TRIM56: variants seen among roughly 807,000 people sequenced by gnomAD.
The protein encoded by TRIM56 is E3 ubiquitin-protein ligase TRIM56.
In TRIM56, 10 loss-of-function variants were observed where a neutral mutation model predicts 17.1. The ratio of observed to expected loss-of-function variants is 0.58; its 90% confidence interval spans 0.36 to 0.99. The LOEUF is 0.99. Among genes scored for constraint, TRIM56 ranks in the 50% least tolerant of loss-of-function variants. The pLI is 0.01. For missense variants in TRIM56, 923 were observed against 1,052.3 expected, an observed-to-expected ratio of 0.88 and a Z score of 1.70; for synonymous variants, 503 against 473.5, an observed-to-expected ratio of 1.06 and a Z score of -0.81.
chr7:101,095,645 A>T lies in TRIM56; in HGVS notation c.*6065A>T, dbSNP rs1326052063. 1.3e-5 allele frequency: 2 copies of T among 152,148 alleles called. No homozygotes were observed. Among genetic ancestry groups the T allele is most frequent in the Non-Finnish European group, 2.9e-5 (2 of 68,034 alleles). The allele number at this position is 152,148 out of a possible 1,614,324, so 9.4% of individuals were successfully genotyped here. A position where few individuals can be genotyped will look rare whatever the true frequency, so the allele number is the denominator to read the frequency against. ...AGATAGTCCCACAGGCGCCCTAGAG[A>T]TGGGGATGCCAAGTGGCTTCTCGGG... is the stretch of plus-strand genomic sequence containing the variant. On this transcript the variant is annotated 3_prime_UTR_variant, in exon 3 of 3. Transcript: ENST00000306085.
Position 101,088,341 on chromosome 7 carries a change from C to T in TRIM56, c.1029C>T (p.Gly343=), listed in dbSNP as rs755992950. 8.0e-5 allele frequency: 123 copies of T among 1,537,198 alleles called. 1 individual carries two copies. The South Asian group carries it at 1.4e-3, about 18-fold the overall frequency. ...RQLQGCPWAP[G]PAPCLLPQLE... ...TGCAGGGCTGCCCCTGGGCACCAGGCCCGGCCCCCTGCCTGCTCCCACAGC... is the reference window on the plus strand; with the variant it reads ...TGCAGGGCTGCCCCTGGGCACCAGGTCCGGCCCCCTGCCTGCTCCCACAGC... The change falls in exon 3 of 3, where the codon GGC becomes GGT. Residue 343 remains glycine (G), a synonymous_variant. Coordinates refer to ENST00000306085, the MANE Select transcript of TRIM56 (RefSeq NM_030961.3).
chr7:101,091,842 A>G lies in TRIM56; in HGVS notation c.*2262A>G. 2 of 395,462 alleles carry G rather than the reference A, an allele frequency of 5.1e-6. No individual in the cohort carries two copies. The highest frequency in any genetic ancestry group is 7.3e-5 in the East Asian group (1 of 13,760). The allele number at this position is 395,462 out of a possible 1,614,324, so 24.5% of individuals were successfully genotyped here. ...ACGGTCTCCCTCTGATGCCGAGCCG[A>G]AGCTGGACTGTACTGCTGCCATCTC... On this transcript the variant is annotated 3_prime_UTR_variant, in exon 3 of 3. Transcript: ENST00000306085.
At position 101,096,627 on chromosome 7, in the gene TRIM56, G is replaced by T. The variant is rs1422295036; in HGVS notation, c.*7047G>T. ...AGAGAAGTATTTCGGACACCATAAA[G>T]CTCAAATACAAGGTGTTGGTTAGGA... On this transcript the variant is annotated 3_prime_UTR_variant, in exon 3 of 3. Transcript: ENST00000306085. 1 of 152,194 alleles carries T rather than the reference G, an allele frequency of 6.6e-6. No homozygotes were observed. The highest frequency in any genetic ancestry group is 2.4e-5 in the African/African-American group (1 of 41,440). The allele number at this position is 152,194 out of a possible 1,614,324, so 9.4% of individuals were successfully genotyped here.
At position 101,088,039 on chromosome 7, in the gene TRIM56, C is replaced by G; in HGVS notation, c.727C>G (p.Arg243Gly). The G allele has an allele frequency of 6.5e-7, 1 of 1,544,854 alleles. No individual in the cohort carries two copies. Among genetic ancestry groups the G allele is most frequent in the Non-Finnish European group, 8.7e-7 (1 of 1,149,610 alleles). ...ARRVEKEALA[R>G]LREQAARVGT... is the part of the protein sequence containing the mutation. ...GAGGGTGGAGAAGGAGGCGCTAGCC[C>G]GGCTGCGGGAGCAGGCGGCCCGGGT... The change falls in exon 3 of 3, where the codon CGG becomes GGG. Residue 243 changes from arginine to glycine, a missense_variant. Around this residue, in one of 3 missense-constraint regions of TRIM56, gnomAD observed 643 missense variants for 665.6 expected, o/e 0.97. Coordinates refer to ENST00000306085, the MANE Select transcript of TRIM56 (RefSeq NM_030961.3).
rs1795558268 is a variant in TRIM56, at chr7:101,091,153, AG to A, written c.*1575del. 1.3e-5 allele frequency: 2 copies of A among 152,304 alleles called. No homozygotes were observed. The highest frequency in any genetic ancestry group is 4.1e-4 in the South Asian group (2 of 4,826). The allele number at this position is 152,304 out of a possible 1,614,324, so 9.4% of individuals were successfully genotyped here. On this transcript the variant is annotated 3_prime_UTR_variant, in exon 3 of 3. Coordinates refer to ENST00000306085, the MANE Select transcript of TRIM56 (RefSeq NM_030961.3). ...CAGTGGTAGAATTGAGGGGGCAAGT[AG>A]GCTTGGAGAATGTTTTTAGCCAGGG...
rs914960916 is a variant in TRIM56, at chr7:101,089,098, G to A, written c.1786G>A (p.Ala596Thr). The A allele has an allele frequency of 6.3e-7, 1 of 1,599,536 alleles. No homozygotes were observed. The highest frequency in any genetic ancestry group is 2.2e-5 in the East Asian group (1 of 44,638). Residue 596 changes from alanine to threonine, a missense_variant, in exon 3 of 3, where the codon GCA (alanine) becomes ACA (threonine). By Grantham distance (58) the Ala-to-Thr change is moderately conservative. This residue lies in a region of TRIM56 where 182 missense variants were observed against 243.1 expected (regional missense o/e 0.75). Transcript: ENST00000306085. The stretch of plus-strand genomic sequence containing the variant: ...CTCCCAGGCCAGCCACGCGGTGGCG[G>A]CACTGCCTAGCGGGGACCGCGTGGC... ...SLSQASHAVA[A>T]LPSGDRVAVS...
rs1795649382 is a variant in TRIM56 at position 101,096,038 on chromosome 7, A to G, written c.*6458A>G. ...CCCCCATCTCTACTAAAAATACAAA[A>G]ATTAGCCAGGCGTGGTGGCACATGC... is the stretch of plus-strand genomic sequence containing the variant. On this transcript the variant is annotated 3_prime_UTR_variant, in exon 3 of 3. Coordinates refer to ENST00000306085, the MANE Select transcript of TRIM56 (RefSeq NM_030961.3). 3 of 152,110 alleles carry G rather than the reference A, an allele frequency of 2.0e-5. No individual in the cohort carries two copies. The highest frequency in any genetic ancestry group is 7.2e-5 in the African/African-American group (3 of 41,408). The allele number at this position is 152,110 out of a possible 1,614,324, so 9.4% of individuals were successfully genotyped here.
rs955027206 is a variant in TRIM56, at chr7:101,094,595, C to G, written c.*5015C>G. On this transcript the variant is annotated 3_prime_UTR_variant, in exon 3 of 3. Transcript: ENST00000306085. The stretch of plus-strand genomic sequence containing the variant: ...GCCAGGGAGGAGGATCCCACCCGGC[C>G]GGGGCTCAGCCAGGAGGCAGGGCCA... 2.6e-5 allele frequency: 4 copies of G among 152,220 alleles called. No individual in the cohort carries two copies. The highest frequency in any genetic ancestry group is 3.4e-3 in the Middle Eastern group (1 of 294). 9.4% of individuals were successfully genotyped at this position (152,220 alleles called of 1,614,324 possible).
Position 101,088,833 on chromosome 7 carries a change from C to T in TRIM56, c.1521C>T (p.Ser507=). 6.2e-7 allele frequency: 1 copy of T among 1,613,794 alleles called. No homozygotes were observed. Residue 507 remains serine, a synonymous_variant, in exon 3 of 3, where the codon TCC becomes TCT. Transcript: ENST00000306085. The part of the protein sequence containing the change: ...FPTRMPGDKR[S]PRITGLCPFG... The stretch of plus-strand genomic sequence containing the variant: ...CGCGGATGCCTGGAGACAAGCGGTC[C>T]CCCCGGATCACCGGGCTCTGTCCCT...
At position 101,091,756 on chromosome 7, in the gene TRIM56, A is replaced by T; in HGVS notation, c.*2176A>T. 2.3e-6 allele frequency: 1 copy of T among 436,022 alleles called. No individual in the cohort carries two copies. Among genetic ancestry groups the T allele is most frequent in the Non-Finnish European group, 4.5e-6 (1 of 222,702 alleles). 27.0% of individuals were successfully genotyped at this position (436,022 alleles called of 1,614,324 possible). The stretch of plus-strand genomic sequence containing the variant: ...AAAAAAGAAAAAGAAAAGAAAGAAA[A>T]CCAAGGTCCCTCTCCCTCTCCCTCT... On this transcript the variant is annotated 3_prime_UTR_variant, in exon 3 of 3. Transcript: ENST00000306085.
intron 1 of TRIM56, 116 bp from the exon 2 acceptor site, chr7:101,086,890 G>T (rs1358701718): frequency 5.5e-6 from 1 of 182,254 alleles, no homozygotes; most frequent in Non-Finnish European, 1.1e-5. Flanking sequence ...TATACAGCAG[G>T]ACCCCAGTAC....
chr7:101,087,483 C>G lies in TRIM56; in HGVS notation c.171C>G (p.Pro57=). The change falls in exon 3 of 3, where the codon CCC becomes CCG. Residue 57 remains proline (P), a synonymous_variant. Transcript: ENST00000306085. ...QLADGGRVRC[P]ECRETVPVPP... ...CGGATGGCGGCCGCGTCCGCTGCCC[C>G]GAGTGCCGCGAGACAGTGCCTGTGC... 1.2e-6 allele frequency: 2 copies of G among 1,613,528 alleles called. No homozygotes were observed. The highest frequency in any genetic ancestry group is 1.7e-5 in the Admixed American group (1 of 60,010).
Sources: allele counts gnomAD v4.1 joint callset, GRCh38; gene constraint gnomAD v4.1.1; regional missense constraint gnomAD v4.1.1; transcripts MANE v1.5; gene names NCBI Gene and HGNC (gene_info 2026-07-23, HGNC 2026-07-21).